PPM1L: variants seen among roughly 807,000 people sequenced by gnomAD.
PPM1L encodes the protein protein phosphatase, Mg2+/Mn2+ dependent 1L, also known as protein phosphatase 1L.
In PPM1L, 13 loss-of-function variants were observed where a neutral mutation model predicts 31.4. The ratio of observed to expected loss-of-function variants is 0.41; its 90% CI spans 0.27 to 0.66. PPM1L has a LOEUF of 0.66. Ranked by LOEUF, PPM1L falls within the 30% of genes least tolerant of loss-of-function variation. The pLI is 0.29. For synonymous variants in PPM1L, 184 were observed against 175.4 expected (o/e 1.05, Z -0.39); for missense variants, 326 against 453.7 (o/e 0.72, Z 2.56).
intron 1 of PPM1L, among the ~76,000 whole-genome samples, chr3:160,864,328 A>G (rs578083451): frequency 2.6e-5 from 4 of 152,066 alleles, no homozygotes; most frequent in Non-Finnish European, 5.9e-5. Context: ...TGGGACTTAT[A>G]GGCACTTGAC....
At chr3:160,887,229 G>A (rs1712947132) in intron 1 of PPM1L, among the ~76,000 whole-genome samples, 1 of 152,102 alleles carries the variant, frequency 6.6e-6, no homozygotes, top group South Asian at 2.1e-4. Flanking sequence ...CTGAAACTAT[G>A]ATTGATTGGA....
intron 2 of PPM1L, among the ~76,000 whole-genome samples, chr3:161,017,550 C>T (rs1004670643): frequency 2.0e-5 from 3 of 152,144 alleles, no homozygotes; most frequent in Admixed American, 1.3e-4. Context: ...AAATGCCAAC[C>T]TCAGAAGTAA....
At chr3:160,920,582 T>C (rs928672876) in intron 1 of PPM1L, among the ~76,000 whole-genome samples, 9 of 135,750 alleles carry the variant, frequency 6.6e-5, no homozygotes, top group Non-Finnish European at 1.1e-4. Flanking sequence ...CTTATGCATT[T>C]AGTTTCTCTC....
chr3:161,010,415 G>A lies in PPM1L; in HGVS notation c.574+48505G>A, dbSNP rs1198113565. Among the ~76,000 whole-genome samples, 9 of 152,200 alleles carry A rather than the reference G, an allele frequency of 5.9e-5. 1 individual carries two copies. The highest frequency in any genetic ancestry group is 1.3e-4 in the Admixed American group (2 of 15,286). Reference sequence around the variant, plus strand: ...ATATGTGCCACATTTTCTTAATCCAGTCTATCATTGTTGGACATTTGGGTT... The same window carrying A: ...ATATGTGCCACATTTTCTTAATCCAATCTATCATTGTTGGACATTTGGGTT... On this transcript the variant is annotated intron_variant, in intron 2 of 3. Coordinates refer to ENST00000498165, the MANE Select transcript of PPM1L (RefSeq NM_139245.4).
At chr3:161,020,908 A>G (rs1276091802) in intron 2 of PPM1L, among the ~76,000 whole-genome samples, 1 of 152,006 alleles carries the variant, frequency 6.6e-6, no homozygotes, top group East Asian at 1.9e-4. Flanking sequence ...GTTGGTAATG[A>G]TGTCCCTTCC....
At chr3:160,842,431 G>T (rs1195325834) in intron 1 of PPM1L, 1 of 638,142 alleles carries the variant, frequency 1.6e-6, no homozygotes, top group African/African-American at 1.8e-5. Flanking sequence ...ACTTTATTCT[G>T]TAGAAAATGG....
At chr3:160,969,132 G>A (rs1383963863) in intron 2 of PPM1L, among the ~76,000 whole-genome samples, 3 of 152,200 alleles carry the variant, frequency 2.0e-5, no homozygotes, top group South Asian at 4.1e-4. Context: ...TCCCAGAGGA[G>A]GTGAGAAAGG....
rs1553810670 is a variant in PPM1L, at chr3:160,835,039, A to ACTTCTTCTTCCTCTTCTTCTT, written c.399+78342_399+78343insCTCTTCTTCTTCTTCTTCTTC. ...TACTACTACTACTATTACTACTACT[A>ACTTCTTCTTCCTCTTCTTCTT]CTTCTTCTTCTTCTTCTTCTTCTTC... On this transcript the variant is annotated intron_variant, in intron 1 of 3. Coordinates refer to ENST00000498165, the MANE Select transcript of PPM1L (RefSeq NM_139245.4). 3.7e-4 allele frequency among the ~76,000 whole-genome samples: 49 copies of ACTTCTTCTTCCTCTTCTTCTT among 131,816 alleles called. 1 individual carries two copies. The highest frequency in any genetic ancestry group is 1.5e-3 in the African/African-American group (48 of 32,242). 86.5% of individuals were successfully genotyped at this position (131,816 alleles called of 152,430 possible).
intron 1 of PPM1L, among the ~76,000 whole-genome samples, chr3:160,937,613 C>T (rs1313293595): frequency 1.3e-5 from 2 of 151,584 alleles, no homozygotes; most frequent in East Asian, 3.9e-4. Context: ...GAGCAAGTCT[C>T]CGTCTCAAAA....
chr3:160,781,457 T>C (rs1413079342), intron 1 of PPM1L, among the ~76,000 whole-genome samples: 3 of 152,172 alleles, frequency 2.0e-5, no homozygotes, highest in Non-Finnish European at 4.4e-5. Context: ...TAGAAGTCCA[T>C]GGAAACCAAA....
At chr3:160,971,397 G>C (rs943865631) in intron 2 of PPM1L, among the ~76,000 whole-genome samples, 11 of 152,212 alleles carry the variant, frequency 7.2e-5, no homozygotes, top group African/African-American at 2.4e-4. Flanking sequence ...GAAATGCTCA[G>C]ATGACCACGT....
rs192979550 is a variant in PPM1L, at chr3:160,890,148, C to G, written c.400-71588C>G. 4.4e-3 allele frequency among the ~76,000 whole-genome samples: 668 copies of G among 152,284 alleles called. 1 individual carries two copies. Among genetic ancestry groups the G allele is most frequent in the Middle Eastern group, 0.01 (3 of 294 alleles). On this transcript the variant is annotated intron_variant, in intron 1 of 3. Transcript: ENST00000498165. ...ATAGTATTGGAAGTTTTGGCCAGAG[C>G]TATCAGGCAAGAGAAAGAAGTAAAG...
intron 1 of PPM1L, among the ~76,000 whole-genome samples, chr3:160,957,601 G>A (rs991620166): frequency 1.0e-4 from 14 of 136,288 alleles, no homozygotes; most frequent in Admixed American, 3.9e-4. Context: ...TTTTTGAGAC[G>A]GAGTGTCGCT....
intron 1 of PPM1L, among the ~76,000 whole-genome samples, chr3:160,812,611 AT>A (rs143284332): frequency 9.3e-5 from 14 of 151,250 alleles, no homozygotes; most frequent in South Asian, 2.1e-4. Context: ...TAATAGGAGC[AT>A]TTTTTTTTGG....
chr3:160,831,922 G>A (rs956581497), intron 1 of PPM1L, among the ~76,000 whole-genome samples: 1 of 152,160 alleles, frequency 6.6e-6, no homozygotes, highest in Non-Finnish European at 1.5e-5. Flanking sequence ...GCTAGAGCAG[G>A]TACCCTGTAT....
At chr3:160,841,616 C>T (rs1279094587) in intron 1 of PPM1L, among the ~76,000 whole-genome samples, 1 of 152,106 alleles carries the variant, frequency 6.6e-6, no homozygotes, top group African/African-American at 2.4e-5. Flanking sequence ...TCTTTTCTTC[C>T]ACAGACTGCA....
chr3:160,918,663 A>G (rs557261524), intron 1 of PPM1L, among the ~76,000 whole-genome samples: 4 of 152,322 alleles, frequency 2.6e-5, no homozygotes, highest in African/African-American at 9.6e-5. Context: ...AATATGCTAT[A>G]TTTCTATAAT....
At chr3:160,761,241 C>T (rs1024900100) in intron 1 of PPM1L, among the ~76,000 whole-genome samples, 1 of 152,178 alleles carries the variant, frequency 6.6e-6, no homozygotes, top group Non-Finnish European at 1.5e-5. Context: ...GTTTTTGATG[C>T]ATCTAGCTCT....
intron 2 of PPM1L, among the ~76,000 whole-genome samples, chr3:161,023,155 A>C (rs1239504921): frequency 6.8e-6 from 1 of 147,754 alleles, no homozygotes; most frequent in Admixed American, 6.7e-5. Flanking sequence ...TGCTGCTCTC[A>C]AGATTCTCTT....
Sources: gnomAD v4.1 joint callset for allele counts (sites outside exome capture counted in the v4.1 genomes callset) on GRCh38, gnomAD v4.1.1 for gene constraint, MANE v1.5 for transcripts, NCBI Gene and HGNC (gene_info 2026-07-23, HGNC 2026-07-21) for gene names.